GALC: variants seen among roughly 807,000 people sequenced by gnomAD.
The protein encoded by GALC is galactocerebrosidase.
Under a neutral mutation model 91.8 loss-of-function variants are expected in GALC, and 77 were observed. The ratio of observed to expected loss-of-function variants is 0.84; its 90% CI spans 0.70 to 1.01. The LOEUF is 1.01. GALC is among the 50% of genes least tolerant of loss of function. The pLI, the probability that GALC is intolerant of heterozygous loss-of-function variation, is 0.00. For missense variants in GALC, 882 were observed against 855.9 expected (o/e 1.03, Z -0.38); for synonymous variants, 357 against 306.7 (o/e 1.16, Z -1.71).
In GALC at chr14:87,968,335, G is replaced by A. The variant is rs756352952; in HGVS notation, c.908C>T (p.Ser303Phe). ...CTCTAAAAGGTTTTTAATAACTTACGAAGTCATATAGCCATTGATATAATT... is the reference window on the plus strand; with the variant it reads ...CTCTAAAAGGTTTTTAATAACTTACAAAGTCATATAGCCATTGATATAATT... ...NQNYINGYMT[S>F]TIAWNLVASY... is the part of the protein sequence containing the mutation. Residue 303 changes from serine to phenylalanine, a missense_variant and splice_region_variant, in exon 8 of 17, where the codon TCC becomes TTC. Ser to Phe is a radical substitution (Grantham distance 155, BLOSUM62 -2). Transcript: ENST00000261304. 1.6e-5 allele frequency: 26 copies of A among 1,606,310 alleles called. No homozygotes were observed. The highest frequency in any genetic ancestry group is 2.2e-5 in the South Asian group (2 of 90,026).
At chr14:87,976,232 G>A in intron 7 of GALC, 126 bp downstream of exon 7, 2 of 939,546 alleles carry the variant, frequency 2.1e-6, no homozygotes, top group Admixed American at 3.6e-5. Flanking sequence ...CATGCTTCAG[G>A]TAAGTGAATA....
chr14:87,992,809 C>A lies in GALC; in HGVS notation c.195+161G>T, dbSNP rs1302885649. The A allele has an allele frequency of 3.6e-6, 5 of 1,405,352 alleles. No individual in the cohort carries two copies. The African/African-American group carries it at 7.3e-5, about 21-fold the overall frequency. The allele number at this position is 1,405,352 out of a possible 1,614,324, so 87.1% of individuals were successfully genotyped here. ...CGAGAAAGCACCCGCCCCAGCCCCG[C>A]AGCGGGCCCGCCCCAACCGCCTGCT... On this transcript the variant is annotated intron_variant, in intron 1 of 16. Transcript: ENST00000261304.
At chr14:87,967,283 A>T (rs387768) in intron 8 of GALC, among the ~76,000 whole-genome samples, 151,918 of 152,332 alleles carry the variant, frequency 1, 75,752 homozygotes, top group Middle Eastern at 1. Context: ...TTCACTAAAA[A>T]TGTTTAGGAT....
intron 16 of GALC, among the ~76,000 whole-genome samples, chr14:87,939,671 T>C (rs1346900338): frequency 6.6e-6 from 1 of 151,748 alleles, no homozygotes; most frequent in Non-Finnish European, 1.5e-5. Flanking sequence ...AAAAACAAAA[T>C]AAAATTTTTT....
chr14:87,957,053 T>C (rs536169798), intron 10 of GALC, among the ~76,000 whole-genome samples: 2 of 152,252 alleles, frequency 1.3e-5, no homozygotes, highest in South Asian at 4.1e-4. Context: ...TTTCTGGCTA[T>C]AGACATATCT....
intron 10 of GALC, among the ~76,000 whole-genome samples, chr14:87,960,287 G>A (rs562564298): frequency 6.6e-6 from 1 of 152,232 alleles, no homozygotes; most frequent in African/African-American, 2.4e-5. Context: ...GGAAGAGGTC[G>A]GTCAACAGGT....
chr14:87,988,197 C>A lies in GALC; in HGVS notation c.275G>T (p.Gly92Val). The A allele has an allele frequency of 2.5e-6, 4 of 1,613,594 alleles. No individual in the cohort carries two copies. Among genetic ancestry groups the A allele is most frequent in the Admixed American group, 1.7e-5 (1 of 60,004 alleles). ...ILDYLFKPNF[G>V]ASLHILKVEI... Reference sequence around the variant, plus strand: ...CACTTTTAAAATATGCAAAGAGGCACCAAAATTCGGCTGTGAAAAGAAGTA... The same window carrying A: ...CACTTTTAAAATATGCAAAGAGGCAACAAAATTCGGCTGTGAAAAGAAGTA... The change falls in exon 3 of 17, where the codon GGT (glycine) becomes GTT (valine). Residue 92 changes from glycine (G) to valine (V), a missense_variant. By Grantham distance (109) the Gly-to-Val change is moderately radical. Transcript: ENST00000261304.
chr14:87,961,409 C>G (rs1885795370), intron 10 of GALC, among the ~76,000 whole-genome samples: 1 of 152,100 alleles, frequency 6.6e-6, no homozygotes, highest in South Asian at 2.1e-4. Flanking sequence ...GGTAGTTCCT[C>G]AAAATCCTAA....
At position 87,934,430 on chromosome 14, in the gene GALC, A is replaced by G; in HGVS notation, c.*302T>C. 4 of 1,303,048 alleles carry G rather than the reference A, an allele frequency of 3.1e-6. No homozygotes were observed. Among genetic ancestry groups the G allele is most frequent in the South Asian group, 1.6e-5 (1 of 61,560 alleles). 80.7% of individuals were successfully genotyped at this position (1,303,048 alleles called of 1,614,324 possible). A position where few individuals can be genotyped will look rare whatever the true frequency, so the allele number is the denominator to read the frequency against. ...AGATGAAGAGAGCTACCTCAGTGTT[A>G]GCAGCAAGGCTTCGAGGTCTGTACT... On this transcript the variant is annotated 3_prime_UTR_variant, in exon 17 of 17. Coordinates refer to ENST00000261304, the MANE Select transcript of GALC (RefSeq NM_000153.4).
chr14:87,954,596 A>T (rs1171348012), intron 10 of GALC: 1 of 1,586,734 alleles, frequency 6.3e-7, no homozygotes, highest in Non-Finnish European at 8.6e-7. Context: ...ATTTCAAAAA[A>T]GTGCACCTTC....
Position 87,941,441 on chromosome 14 carries a change from GA to G in GALC, c.1787del (p.Phe596SerfsTer16). 6.2e-7 allele frequency: 1 copy of G among 1,607,950 alleles called. No individual in the cohort carries two copies. Among genetic ancestry groups the G allele is most frequent in the Non-Finnish European group, 8.5e-7 (1 of 1,176,338 alleles). The stretch of plus-strand genomic sequence containing the variant: ...AAGATCCATTTGCAAAAATCCAGAA[GA>G]AAATTCCTCTGGCACTTCTAATCAA... ...GILIRSARGI[F>X]FWIFANGSYR... On this transcript the variant is annotated frameshift_variant, in exon 15 of 17. Coordinates refer to ENST00000261304, the MANE Select transcript of GALC (RefSeq NM_000153.4). LOFTEE classifies it high-confidence loss of function.
At chr14:87,934,971 G>A (rs1884508430) in intron 16 of GALC, 93 bp from the exon 17 acceptor site, 2 of 869,336 alleles carry the variant, frequency 2.3e-6, no homozygotes, top group African/African-American at 1.7e-5. Flanking sequence ...ACTTAGTGGA[G>A]CAAATGTACT....
At chr14:87,975,777 A>C (rs1273601786) in intron 7 of GALC, among the ~76,000 whole-genome samples, 2 of 151,032 alleles carry the variant, frequency 1.3e-5, no homozygotes, top group East Asian at 2.0e-4. Context: ...CACACACACA[A>C]ACATACATAT....
chr14:87,940,499 G>A (rs1284039738), intron 15 of GALC, among the ~76,000 whole-genome samples: 1 of 151,886 alleles, frequency 6.6e-6, no homozygotes, highest in Non-Finnish European at 1.5e-5. Context: ...AGGGACTGCA[G>A]ACACAGATTT....
At chr14:87,954,371 C>G in intron 10 of GALC, 1 of 1,601,558 alleles carries the variant, frequency 6.2e-7, no homozygotes, top group South Asian at 1.1e-5. Context: ...AACAGTGGAA[C>G]AGGCCCAAGA....
intron 9 of GALC, among the ~76,000 whole-genome samples, chr14:87,964,659 C>T (rs1339482555): frequency 6.6e-6 from 1 of 152,022 alleles, no homozygotes; most frequent in Admixed American, 6.6e-5. Context: ...TCAATAAAAA[C>T]GGATGTATTA....
upstream of GALC, chr14:87,993,432 A>G (rs1567020457): frequency 3.3e-6 from 5 of 1,535,848 alleles, no homozygotes; most frequent in East Asian, 7.3e-5. Flanking sequence ...AACGCAGGGA[A>G]GGTGGATTCC....
intron 6 of GALC, 22 bp from the exon 7 acceptor site, chr14:87,976,510 C>A: frequency 6.3e-7 from 1 of 1,592,186 alleles, no homozygotes; most frequent in Non-Finnish European, 8.6e-7. Context: ...AGAAACAGAA[C>A]ATATGAAAGG....
chr14:87,960,837 C>T (rs1268372625), intron 10 of GALC, among the ~76,000 whole-genome samples: 2 of 152,048 alleles, frequency 1.3e-5, no homozygotes, highest in African/African-American at 4.8e-5. Flanking sequence ...GACCAAAAAC[C>T]TAAATTTAAG....
Sources: allele counts gnomAD v4.1 joint callset (sites outside exome capture counted in the v4.1 genomes callset), GRCh38; gene constraint gnomAD v4.1.1; transcripts MANE v1.5; gene names NCBI Gene and HGNC (gene_info 2026-07-23, HGNC 2026-07-21).